The following DENND1A variants were observed in gnomAD, a reference collection of about 807,000 sequenced individuals.
DENND1A encodes DENN domain containing 1A.
DENND1A carries 51 observed loss-of-function variants against 113.7 expected under a neutral mutation model. The observed-to-expected ratio is 0.45, with a 90% CI of 0.36 to 0.57. The LOEUF (loss-of-function observed/expected upper bound fraction) is 0.57, where lower values mean the gene tolerates loss of function less well. DENND1A is among the 20% of genes least tolerant of loss of function. The probability of loss-of-function intolerance (pLI) is 0.00; values close to 1 mark genes in which losing one functional copy is unlikely to be tolerated. For synonymous variants in DENND1A, 565 were observed against 570.8 expected, an observed-to-expected ratio of 0.99 and a Z score of 0.14; for missense variants, 1,258 against 1,395.9, an observed-to-expected ratio of 0.90 and a Z score of 1.57.
chr9:123,674,340 T>TCACACA (rs1160130484), intron 6 of DENND1A, among the ~76,000 whole-genome samples: 15 of 127,722 alleles, frequency 1.2e-4, no homozygotes, highest in Admixed American at 5.3e-4. Flanking sequence ...TCTGTCTCTC[T>TCACACA]CTCACACACA....
chr9:123,486,208 G>A (rs1325893841), intron 13 of DENND1A, among the ~76,000 whole-genome samples: 2 of 152,140 alleles, frequency 1.3e-5, no homozygotes, highest in Admixed American at 1.3e-4. Context: ...GTAAAAATGG[G>A]GAGAGGCTGA....
intron 2 of DENND1A, among the ~76,000 whole-genome samples, chr9:123,817,543 A>G (rs972095810): frequency 4.6e-5 from 7 of 152,212 alleles, no homozygotes; most frequent in Admixed American, 1.3e-4. Context: ...CACATGTTAA[A>G]TTATTTTGGG....
At chr9:123,389,124 G>A (rs1022715943) in intron 21 of DENND1A, among the ~76,000 whole-genome samples, 2 of 152,200 alleles carry the variant, frequency 1.3e-5, no homozygotes, top group African/African-American at 2.4e-5. Context: ...CAGCTGGAGG[G>A]TGAGTGAGAG....
At chr9:123,875,740 G>A (rs1021512066) in intron 2 of DENND1A, among the ~76,000 whole-genome samples, 1 of 152,164 alleles carries the variant, frequency 6.6e-6, no homozygotes, top group Non-Finnish European at 1.5e-5. Context: ...AGGCCATTTG[G>A]GCAAGAAGTT....
chr9:123,447,159 G>C (rs1267848555), intron 18 of DENND1A, among the ~76,000 whole-genome samples: 3 of 152,230 alleles, frequency 2.0e-5, no homozygotes, highest in African/African-American at 7.2e-5. Flanking sequence ...CTCTTCCTTA[G>C]AAAGCAATGG....
At chr9:123,801,691 C>A (rs73666289) in intron 2 of DENND1A, among the ~76,000 whole-genome samples, 3,584 of 152,196 alleles carry the variant, frequency 0.024, 154 homozygotes, top group African/African-American at 0.081. Context: ...TTTTTGAGGA[C>A]CTTTACCATT....
At chr9:123,658,385 T>G (rs1220750943) in intron 8 of DENND1A, among the ~76,000 whole-genome samples, 1 of 152,210 alleles carries the variant, frequency 6.6e-6, no homozygotes, top group African/African-American at 2.4e-5. Context: ...TAAATGCAGG[T>G]CAACTGTTTA....
intron 1 of DENND1A, among the ~76,000 whole-genome samples, chr9:123,911,267 G>A (rs151279942): frequency 0.011 from 1,660 of 152,208 alleles, 17 homozygotes; most frequent in Non-Finnish European, 0.016. Flanking sequence ...GGCTAAAAAA[G>A]ACTAACAATA....
chr9:123,918,034 A>C (rs1855497602), intron 1 of DENND1A, among the ~76,000 whole-genome samples: 1 of 151,116 alleles, frequency 6.6e-6, no homozygotes, highest in Non-Finnish European at 1.5e-5. Flanking sequence ...GAATAGCGTG[A>C]GCCCGGAAGG....
At chr9:123,779,151 G>T (rs1050762687) in intron 3 of DENND1A, among the ~76,000 whole-genome samples, 1 of 151,948 alleles carries the variant, frequency 6.6e-6, no homozygotes, top group African/African-American at 2.4e-5. Context: ...TCTTCAATTT[G>T]GGGTTTGTTT....
intron 13 of DENND1A, among the ~76,000 whole-genome samples, chr9:123,536,086 TG>T (rs1219265449): frequency 1.3e-5 from 2 of 152,046 alleles, no homozygotes; most frequent in Non-Finnish European, 2.9e-5. Context: ...CAAAACCAGG[TG>T]AACAATGAAC....
chr9:123,503,595 G>A (rs772381209), intron 13 of DENND1A, among the ~76,000 whole-genome samples: 11 of 152,206 alleles, frequency 7.2e-5, no homozygotes, highest in Admixed American at 5.2e-4. Flanking sequence ...AGAAGGTATA[G>A]ATTACATTCA....
chr9:123,709,185 A>G (rs1564992753), intron 5 of DENND1A, among the ~76,000 whole-genome samples: 2 of 152,204 alleles, frequency 1.3e-5, no homozygotes, highest in Non-Finnish European at 2.9e-5. Context: ...TGGAGCAGAC[A>G]GATCCCCTGC....
At chr9:123,469,421 C>T (rs994657864) in intron 13 of DENND1A, among the ~76,000 whole-genome samples, 6 of 152,258 alleles carry the variant, frequency 3.9e-5, no homozygotes, top group African/African-American at 7.2e-5. Flanking sequence ...CAGAAGCCCC[C>T]ACACGCGCTT....
chr9:123,771,392 C>T (rs1028167387), intron 3 of DENND1A, among the ~76,000 whole-genome samples: 4 of 152,160 alleles, frequency 2.6e-5, no homozygotes, highest in East Asian at 1.9e-4. Flanking sequence ...TACAAATTTC[C>T]TTCCACTTCA....
chr9:123,834,954 C>T (rs1840828197), intron 2 of DENND1A, among the ~76,000 whole-genome samples: 2 of 151,996 alleles, frequency 1.3e-5, no homozygotes, highest in African/African-American at 2.4e-5. Flanking sequence ...TGTCAAAATA[C>T]CAAAAAGAAA....
chr9:123,497,477 C>T (rs191550308), intron 13 of DENND1A, among the ~76,000 whole-genome samples: 1 of 152,224 alleles, frequency 6.6e-6, no homozygotes, highest in African/African-American at 2.4e-5. Context: ...AACACCATGT[C>T]CAGCTAAATC....
At chr9:123,714,140 A>G (rs547518924) in intron 5 of DENND1A, among the ~76,000 whole-genome samples, 40 of 152,234 alleles carry the variant, frequency 2.6e-4, no homozygotes, top group Admixed American at 2.0e-4. Context: ...CGGCAGTTTT[A>G]TCAGAACACT....
At chr9:123,631,792 C>T (rs1163166505) in intron 9 of DENND1A, among the ~76,000 whole-genome samples, 1 of 151,912 alleles carries the variant, frequency 6.6e-6, no homozygotes, top group Non-Finnish European at 1.5e-5. Flanking sequence ...ATCATACAAT[C>T]AGTATTTGAT....
Sources: allele counts gnomAD v4.1 joint callset (sites outside exome capture counted in the v4.1 genomes callset), GRCh38; gene constraint gnomAD v4.1.1; transcripts MANE v1.5; gene names NCBI Gene and HGNC (gene_info 2026-07-23, HGNC 2026-07-21).